The following GDPD4 variants were observed in gnomAD, a reference collection of about 807,000 sequenced individuals.
GDPD4 encodes the protein glycerophosphodiester phosphodiesterase 6.
GDPD4 carries 60 observed loss-of-function variants against 67.8 expected under a neutral mutation model. That is an observed-to-expected ratio of 0.88 (90% CI 0.72 to 1.10). GDPD4 has a LOEUF of 1.10. GDPD4 is among the 50% of genes least tolerant of loss of function. The pLI is 0.00. For synonymous variants in GDPD4, 212 were observed against 210.9 expected, an observed-to-expected ratio of 1.00 and a Z score of -0.04; for missense variants, 623 against 613.9, an observed-to-expected ratio of 1.01 and a Z score of -0.16.
chr11:77,245,795 T>C (rs1287028223), intron 11 of GDPD4, among the ~76,000 whole-genome samples: 5 of 152,216 alleles, frequency 3.3e-5, no homozygotes, highest in Non-Finnish European at 7.3e-5. Context: ...GTCAAGATAA[T>C]ACATCCCTTT....
At chr11:77,266,792 TAAAG>T (rs1270701892) in intron 10 of GDPD4, among the ~76,000 whole-genome samples, 1 of 152,164 alleles carries the variant, frequency 6.6e-6, no homozygotes, top group Admixed American at 6.5e-5. Context: ...AATAAGGTTA[TAAAG>T]AAAGAAAATA....
chr11:77,271,029 A>G lies in GDPD4; in HGVS notation c.400+101T>C, dbSNP rs1959214766. 4 of 771,932 alleles carry G rather than the reference A, an allele frequency of 5.2e-6. No individual in the cohort carries two copies. The South Asian group carries it at 6.4e-5, about 12-fold the overall frequency. 47.8% of individuals were successfully genotyped at this position (771,932 alleles called of 1,614,324 possible). A position where few individuals can be genotyped will look rare whatever the true frequency, so the allele number is the denominator to read the frequency against. Reference sequence around the variant, plus strand: ...CAAGCTAAATGAATTTCAACGAGGCATAGGGGTGGCTAGTTCCCAAGCTTC... The same window carrying G: ...CAAGCTAAATGAATTTCAACGAGGCGTAGGGGTGGCTAGTTCCCAAGCTTC... On this transcript the variant is annotated intron_variant, in intron 7 of 16. Transcript: ENST00000315938.
At chr11:77,220,257 G>A (rs908661988) in intron 16 of GDPD4, among the ~76,000 whole-genome samples, 3 of 152,182 alleles carry the variant, frequency 2.0e-5, no homozygotes, top group Admixed American at 2.0e-4. Context: ...GAATAGGAGT[G>A]GTGAGAAAGG....
intron 15 of GDPD4, among the ~76,000 whole-genome samples, chr11:77,228,199 A>G (rs1175667369): frequency 1.3e-5 from 2 of 151,922 alleles, no homozygotes; most frequent in African/African-American, 4.8e-5. Flanking sequence ...CTAAAAATAC[A>G]AAAATTAGCC....
chr11:77,250,889 C>A (rs1958880501), intron 11 of GDPD4, among the ~76,000 whole-genome samples: 1 of 152,096 alleles, frequency 6.6e-6, no homozygotes, highest in South Asian at 2.1e-4. Context: ...GAATTGATCA[C>A]TTTATTATTT....
rs756911101 is a variant in GDPD4, at chr11:77,271,127, T to C, written c.400+3A>G. 7 of 1,596,112 alleles carry C rather than the reference T, an allele frequency of 4.4e-6. No homozygotes were observed. Among genetic ancestry groups the C allele is most frequent in the African/African-American group, 1.3e-5 (1 of 74,570 alleles). ...AGGCAGGGTTCTGCCCTATGTGACA[T>C]ACCTTCTCTTTCCAAACATGCCACG... On this transcript the variant is annotated splice_donor_region_variant and intron_variant, in intron 7 of 16. Transcript: ENST00000315938.
intron 11 of GDPD4, among the ~76,000 whole-genome samples, chr11:77,245,911 C>T (rs1958773605): frequency 6.6e-6 from 1 of 152,182 alleles, no homozygotes; most frequent in Non-Finnish European, 1.5e-5. Context: ...TCTACCCCTC[C>T]CTTGACTTCC....
chr11:77,246,196 G>A (rs1958782670), intron 11 of GDPD4, among the ~76,000 whole-genome samples: 1 of 152,208 alleles, frequency 6.6e-6, no homozygotes, highest in Non-Finnish European at 1.5e-5. Flanking sequence ...TAAGGCAGAA[G>A]GATTACTTGA....
intron 1 of GDPD4, among the ~76,000 whole-genome samples, chr11:77,292,539 T>C (rs1036392532): frequency 6.6e-6 from 1 of 152,150 alleles, no homozygotes; most frequent in African/African-American, 2.4e-5. Context: ...AATTTCCATC[T>C]TTAGACAATC....
At chr11:77,225,859 CT>C (rs1958325325) in intron 16 of GDPD4, among the ~76,000 whole-genome samples, 1 of 152,154 alleles carries the variant, frequency 6.6e-6, no homozygotes, top group African/African-American at 2.4e-5. Flanking sequence ...TGGATCTGGG[CT>C]GTGGTTATGG....
chr11:77,221,015 T>G (rs899153172), intron 16 of GDPD4, among the ~76,000 whole-genome samples: 7 of 152,232 alleles, frequency 4.6e-5, no homozygotes, highest in Non-Finnish European at 1.0e-4. Flanking sequence ...TATCCATTTC[T>G]TCTAGATTTT....
intron 16 of GDPD4, among the ~76,000 whole-genome samples, chr11:77,226,640 A>G (rs1465643792): frequency 6.6e-6 from 1 of 152,212 alleles, no homozygotes; most frequent in Non-Finnish European, 1.5e-5. Flanking sequence ...TGGCAGCCCT[A>G]GCTTACTAAG....
chr11:77,252,543 G>A (rs1481649802), intron 11 of GDPD4, among the ~76,000 whole-genome samples: 1 of 152,086 alleles, frequency 6.6e-6, no homozygotes, highest in Admixed American at 6.5e-5. Context: ...TTTTACTAGA[G>A]TTATTATGTT....
chr11:77,255,540 G>A (rs1326465374), intron 11 of GDPD4, among the ~76,000 whole-genome samples: 4 of 152,056 alleles, frequency 2.6e-5, no homozygotes, highest in Admixed American at 1.3e-4. Context: ...CTCCAGCCTG[G>A]GTGACAGTGA....
intron 16 of GDPD4, among the ~76,000 whole-genome samples, chr11:77,221,052 A>C (rs1024469278): frequency 1.3e-5 from 2 of 152,148 alleles, no homozygotes; most frequent in Non-Finnish European, 2.9e-5. Flanking sequence ...GAGAGTTTAT[A>C]GTATTCTCTG....
At chr11:77,298,134 C>A (rs1938039320) in intron 1 of GDPD4, among the ~76,000 whole-genome samples, 1 of 151,892 alleles carries the variant, frequency 6.6e-6, no homozygotes, top group Non-Finnish European at 1.5e-5. Context: ...ATAAAAAGAT[C>A]TTGGAGATTC....
chr11:77,221,415 G>T (rs1471048131), intron 16 of GDPD4, among the ~76,000 whole-genome samples: 6 of 152,184 alleles, frequency 3.9e-5, no homozygotes, highest in Non-Finnish European at 7.3e-5. Context: ...GTGTCCCAGA[G>T]ATTCTGGTAT....
intron 13 of GDPD4, among the ~76,000 whole-genome samples, chr11:77,235,346 G>T (rs1958541299): frequency 1.3e-5 from 2 of 151,798 alleles, no homozygotes; most frequent in Non-Finnish European, 2.9e-5. Flanking sequence ...GATTCATATG[G>T]AAAAGCACAG....
At chr11:77,239,258 G>A (rs990323504) in intron 13 of GDPD4, among the ~76,000 whole-genome samples, 2 of 152,154 alleles carry the variant, frequency 1.3e-5, no homozygotes, top group South Asian at 2.1e-4. Context: ...GTGAACAGTC[G>A]AAAGCTTTTC....
Sources: allele counts gnomAD v4.1 joint callset (sites outside exome capture counted in the v4.1 genomes callset), GRCh38; gene constraint gnomAD v4.1.1; transcripts MANE v1.5; gene names NCBI Gene and HGNC (gene_info 2026-07-23, HGNC 2026-07-21).